The following SBK1 variants were observed in gnomAD, a reference collection of about 807,000 sequenced individuals.
The protein encoded by SBK1 is SH3 domain binding kinase 1.
A neutral mutation model predicts 24.4 loss-of-function variants in SBK1; 11 were observed. The observed-to-expected ratio is 0.45, with a 90% confidence interval of 0.28 to 0.75. SBK1 has a LOEUF of 0.75. Ranked by LOEUF, SBK1 falls within the 30% of genes least tolerant of loss-of-function variation. The probability of loss-of-function intolerance (pLI) is 0.12; values close to 1 mark genes in which losing one functional copy is unlikely to be tolerated. For missense variants in SBK1, 467 were observed against 620.5 expected, an observed-to-expected ratio of 0.75 and a Z score of 2.63; for synonymous variants, 308 against 284.4, an observed-to-expected ratio of 1.08 and a Z score of -0.83.
chr16:28,311,357 C>T (rs1055335939), intron 1 of SBK1, among the ~76,000 whole-genome samples: 1 of 151,858 alleles, frequency 6.6e-6, no homozygotes, highest in African/African-American at 2.4e-5. Context: ...TGAGACCTGG[C>T]GATGAGGAGG....
At chr16:28,300,918 G>A (rs1308427450) in intron 1 of SBK1, among the ~76,000 whole-genome samples, 1 of 152,196 alleles carries the variant, frequency 6.6e-6, no homozygotes, top group African/African-American at 2.4e-5. Context: ...CTCCTAGGCT[G>A]GGCTGTCTTC....
intron 1 of SBK1, chr16:28,284,815 C>T (rs1054694957): frequency 2.0e-5 from 3 of 152,034 alleles, no homozygotes; most frequent in Non-Finnish European, 4.4e-5. Context: ...TTTTAAGATC[C>T]CATTTTAAAA....
At chr16:28,292,366 C>CGGCGCGCGGCGGGAGGGCG (rs1331304009), upstream of SBK1, among the ~76,000 whole-genome samples, 67 of 129,198 alleles carry the variant, frequency 5.2e-4, no homozygotes, top group East Asian at 1.1e-3. Context: ...CTGCGCTCCG[C>CGGCGCGCGGCGGGAGGGCG]GGCGCGCGGC....
intron 1 of SBK1, among the ~76,000 whole-genome samples, chr16:28,283,124 G>T (rs2044543874): frequency 6.6e-6 from 1 of 151,934 alleles, no homozygotes; most frequent in African/African-American, 2.4e-5. Context: ...GTAGAGACGG[G>T]GTTTCACCAT....
chr16:28,284,080 C>A (rs1293190507), intron 1 of SBK1, among the ~76,000 whole-genome samples: 1 of 152,140 alleles, frequency 6.6e-6, no homozygotes, highest in Non-Finnish European at 1.5e-5. Context: ...CTCCCATTGC[C>A]CACGGTGGTG....
intron 1 of SBK1, among the ~76,000 whole-genome samples, chr16:28,272,743 CCCTGAGTAGCTGGGA>C (rs2044474149): frequency 1.3e-5 from 2 of 151,236 alleles, no homozygotes; most frequent in Admixed American, 1.3e-4. Flanking sequence ...TGCCTCAGCC[CCCTGAGTAGCTGGGA>C]CTACAGGCAT....
intron 1 of SBK1, among the ~76,000 whole-genome samples, chr16:28,296,452 G>C (rs1030551540): frequency 6.6e-6 from 1 of 152,020 alleles, no homozygotes; most frequent in African/African-American, 2.4e-5. Context: ...TGGCCAGACT[G>C]GTCTCGAACA....
chr16:28,279,917 T>A (rs187430686), intron 1 of SBK1, among the ~76,000 whole-genome samples: 24 of 151,746 alleles, frequency 1.6e-4, no homozygotes, highest in African/African-American at 5.3e-4. Context: ...CGATGGTTCT[T>A]CACCTGCCAG....
chr16:28,268,492 G>T (rs1178276230), intron 1 of SBK1, among the ~76,000 whole-genome samples: 1 of 151,792 alleles, frequency 6.6e-6, no homozygotes, highest in Admixed American at 6.6e-5. Flanking sequence ...GCCAGGCTCG[G>T]TGGCTCATAC....
rs2044809293 is a variant in SBK1 at position 28,317,874 on chromosome 16, G to A, written c.226+257G>A. On this transcript the variant is annotated intron_variant, in intron 2 of 3. Coordinates refer to ENST00000341901, the MANE Select transcript of SBK1 (RefSeq NM_001024401.3). The surrounding 1 kb of genome is among the most constrained non-coding windows in gnomAD (Gnocchi z 4.2). ...GATGGGCTGCTGTGGGGCCATCTGGGGTGACTTTGAGACAGCCAAGGGGCT... is the reference window on the plus strand; with the variant it reads ...GATGGGCTGCTGTGGGGCCATCTGGAGTGACTTTGAGACAGCCAAGGGGCT... Among the ~76,000 whole-genome samples the A allele has an allele frequency of 6.6e-6, 1 of 152,072 alleles. No homozygotes were observed. The highest frequency in any genetic ancestry group is 2.1e-4 in the South Asian group (1 of 4,826).
chr16:28,293,598 C>T (rs984814873), intron 1 of SBK1, among the ~76,000 whole-genome samples: 1 of 150,174 alleles, frequency 6.7e-6, no homozygotes, highest in African/African-American at 2.5e-5. Flanking sequence ...AGTCCCCCCC[C>T]AAAAGCTGCG....
chr16:28,295,678 T>C (rs923339187), intron 1 of SBK1, among the ~76,000 whole-genome samples: 4 of 152,098 alleles, frequency 2.6e-5, no homozygotes, highest in African/African-American at 7.2e-5. Context: ...GTATTTTACA[T>C]GTTTGTCTTT....
At chr16:28,266,902 G>A (rs963378521) in intron 1 of SBK1, among the ~76,000 whole-genome samples, 4 of 151,310 alleles carry the variant, frequency 2.6e-5, no homozygotes, top group Admixed American at 6.6e-5. Context: ...CACACACCAC[G>A]GCTAATTTTA....
At chr16:28,308,020 ACAGGCTGGT>A (rs2044728829) in intron 1 of SBK1, among the ~76,000 whole-genome samples, 1 of 152,190 alleles carries the variant, frequency 6.6e-6, no homozygotes, top group Admixed American at 6.5e-5. Flanking sequence ...TCTTCTCTTT[ACAGGCTGGT>A]CACTCTCCAC....
chr16:28,271,458 G>C (rs2044465081), intron 1 of SBK1, among the ~76,000 whole-genome samples: 1 of 152,124 alleles, frequency 6.6e-6, no homozygotes, highest in African/African-American at 2.4e-5. Context: ...TTGGGAGGCT[G>C]AGACAGGAGA....
At chr16:28,302,023 G>A (rs2044683079) in intron 1 of SBK1, among the ~76,000 whole-genome samples, 1 of 152,262 alleles carries the variant, frequency 6.6e-6, no homozygotes, top group Admixed American at 6.5e-5. Flanking sequence ...ACCAAGGGGA[G>A]GGAGAGGCCT....
intron 1 of SBK1, among the ~76,000 whole-genome samples, chr16:28,260,260 C>T (rs11864063): frequency 0.012 from 1,851 of 152,174 alleles, 24 homozygotes; most frequent in African/African-American, 0.038. Context: ...GCCTGGGGCC[C>T]AGTGGGAGTT....
At chr16:28,268,952 G>A (rs2044446544) in intron 1 of SBK1, among the ~76,000 whole-genome samples, 1 of 151,922 alleles carries the variant, frequency 6.6e-6, no homozygotes, top group South Asian at 2.1e-4. Flanking sequence ...TGGCTCAACT[G>A]CTGTGGCAGA....
At chr16:28,307,860 G>A (rs192287528) in intron 1 of SBK1, among the ~76,000 whole-genome samples, 4 of 152,274 alleles carry the variant, frequency 2.6e-5, no homozygotes, top group Admixed American at 6.5e-5. Context: ...TGGGGATAGC[G>A]ACGGTAGCAC....
Sources: allele counts gnomAD v4.1 joint callset (sites outside exome capture counted in the v4.1 genomes callset), GRCh38; gene constraint gnomAD v4.1.1; non-coding constraint Gnocchi (gnomAD v3.1); transcripts MANE v1.5; gene names NCBI Gene and HGNC (gene_info 2026-07-23, HGNC 2026-07-21).